Variants in ASF1A observed in about 807,000 individuals in gnomAD.
The protein encoded by ASF1A is histone chaperone ASF1A.
ASF1A carries 5 observed loss-of-function variants against 22.0 expected under a neutral mutation model. The ratio of observed to expected loss-of-function variants is 0.23; its 90% CI spans 0.12 to 0.48. The LOEUF (loss-of-function observed/expected upper bound fraction) is 0.48, where lower values mean the gene tolerates loss of function less well. Ranked by LOEUF, ASF1A falls within the 20% of genes least tolerant of loss-of-function variation. ASF1A has a pLI of 0.99. For synonymous variants in ASF1A, 97 were observed against 86.7 expected (o/e 1.12, Z -0.66); for missense variants, 137 against 240.6 (o/e 0.57, Z 2.85).
Position 118,907,690 on chromosome 6 carries a change from A to G in ASF1A, c.*76A>G. The G allele has an allele frequency of 8.5e-7, 1 of 1,174,792 alleles. No individual in the cohort carries two copies. The highest frequency in any genetic ancestry group is 2.0e-5 in the Admixed American group (1 of 50,744). 72.8% of individuals were successfully genotyped at this position (1,174,792 alleles called of 1,614,324 possible). A position where few individuals can be genotyped will look rare whatever the true frequency, so the allele number is the denominator to read the frequency against. ...TATTTCCCTGAAATTCCGTAAGTACATAGTCAAAACACAATGTGAAGAATT... is the reference window on the plus strand; with the variant it reads ...TATTTCCCTGAAATTCCGTAAGTACGTAGTCAAAACACAATGTGAAGAATT... On this transcript the variant is annotated 3_prime_UTR_variant, in exon 4 of 4. Coordinates refer to ENST00000229595, the MANE Select transcript of ASF1A (RefSeq NM_014034.3).
chr6:118,902,759 G>A (rs1026196082), intron 2 of ASF1A, among the ~76,000 whole-genome samples: 2 of 152,262 alleles, frequency 1.3e-5, no homozygotes, highest in African/African-American at 4.8e-5. Context: ...GAGGTACAAT[G>A]TATATTCAGC....
At chr6:118,894,646 A>T in intron 1 of ASF1A, 124 bp downstream of exon 1, 2 of 832,824 alleles carry the variant, frequency 2.4e-6, no homozygotes, top group Non-Finnish European at 3.7e-6. Context: ...TGCTCTGCGG[A>T]GGGAAACTTG....
At chr6:118,905,597 TG>T (rs1448686819) in intron 2 of ASF1A, 54 bp from the exon 3 acceptor site, 1 of 1,433,634 alleles carries the variant, frequency 7.0e-7, no homozygotes. Context: ...CAGTCTTGCC[TG>T]CCACTAACAG....
At chr6:118,904,612 A>C (rs1425109527) in intron 2 of ASF1A, among the ~76,000 whole-genome samples, 2 of 152,162 alleles carry the variant, frequency 1.3e-5, no homozygotes, top group African/African-American at 4.8e-5. Flanking sequence ...GTCTAGTCTA[A>C]CTCAGTTTAC....
At position 118,900,772 on chromosome 6, in the gene ASF1A, A is replaced by C. The variant is rs368931626; in HGVS notation, c.116A>C (p.Glu39Ala). The change falls in exon 2 of 4, where the codon GAA (glutamate) becomes GCA (alanine). Residue 39 changes from glutamate to alanine, a missense_variant. Glu to Ala is a moderately radical substitution (Grantham distance 107). Coordinates refer to ENST00000229595, the MANE Select transcript of ASF1A (RefSeq NM_014034.3). ...ECIEDLSEDL[E>A]WKIIYVGSAE... ...TTTGGTTTTTTAACCCTAGACTTGG[A>C]ATGGAAAATTATCTATGTGGGCTCT... 6.2e-7 allele frequency: 1 copy of C among 1,610,292 alleles called. No individual in the cohort carries two copies. The highest frequency in any genetic ancestry group is 8.5e-7 in the Non-Finnish European group (1 of 1,176,590).
intron 1 of ASF1A, among the ~76,000 whole-genome samples, chr6:118,900,177 G>A (rs760054575): frequency 6.6e-6 from 1 of 152,134 alleles, no homozygotes; most frequent in East Asian, 1.9e-4. Flanking sequence ...GGGGGGTGCC[G>A]TAAGGGAAAA....
Position 118,905,960 on chromosome 6 carries a change from G to A in ASF1A, c.402+132G>A, listed in dbSNP as rs541038211. 8.3e-6 allele frequency: 5 copies of A among 604,966 alleles called. No homozygotes were observed. The South Asian group carries it at 1.3e-4, about 16-fold the overall frequency. The allele number at this position is 604,966 out of a possible 1,614,324, so 37.5% of individuals were successfully genotyped here. A position where few individuals can be genotyped will look rare whatever the true frequency, so the allele number is the denominator to read the frequency against. On this transcript the variant is annotated intron_variant, in intron 3 of 3. Coordinates refer to ENST00000229595, the MANE Select transcript of ASF1A (RefSeq NM_014034.3). ...AATATGAGGTCCTTATGCCAACTGG[G>A]CAAACTAATTATTGTTCCATTACCA...
rs1226606429 is a variant in ASF1A, at chr6:118,894,323, C to CG, written c.-86dup. ...GCACGACGTCTGGCCGGCGCTGGAG[C>CG]GGGGGTCTGCGCTCTCCCGAGCGGC... On this transcript the variant is annotated 5_prime_UTR_variant, in exon 1 of 4. Transcript: ENST00000229595. 3.3e-6 allele frequency: 5 copies of CG among 1,514,702 alleles called. No individual in the cohort carries two copies. Among genetic ancestry groups the CG allele is most frequent in the East Asian group, 2.5e-5 (1 of 40,592 alleles). The allele number at this position is 1,514,702 out of a possible 1,614,324, so 93.8% of individuals were successfully genotyped here.
intron 3 of ASF1A, 71 bp from the exon 4 acceptor site, chr6:118,907,331 A>G: frequency 1.8e-6 from 2 of 1,099,770 alleles, no homozygotes; most frequent in Admixed American, 4.3e-5. Context: ...CCATTTTATT[A>G]AGCTTCTATT....
chr6:118,901,090 T>G (rs1779771703), intron 2 of ASF1A: 3 of 479,070 alleles, frequency 6.3e-6, no homozygotes, highest in African/African-American at 5.8e-5. Flanking sequence ...GAGATGTTAA[T>G]GTGACGTTTA....
In ASF1A at chr6:118,905,714, A is replaced by G. The variant is rs763071344; in HGVS notation, c.288A>G (p.Leu96=). 4 of 1,613,758 alleles carry G rather than the reference A, an allele frequency of 2.5e-6. No individual in the cohort carries two copies. Among genetic ancestry groups the G allele is most frequent in the Non-Finnish European group, 3.4e-6 (4 of 1,179,722 alleles). The part of the protein sequence containing the change: ...DADAVGVTVV[L]ITCTYRGQEF... ...ATGCAGTAGGCGTAACTGTTGTGCT[A>G]ATTACTTGTACCTATCGAGGACAAG... The change falls in exon 3 of 4, where the codon CTA becomes CTG. Residue 96 remains leucine, a synonymous_variant. Transcript: ENST00000229595.
chr6:118,903,266 T>C (rs916788780), intron 2 of ASF1A, among the ~76,000 whole-genome samples: 2 of 152,182 alleles, frequency 1.3e-5, no homozygotes, highest in African/African-American at 4.8e-5. Context: ...ACACTGAAAG[T>C]AATCTAACCC....
intron 1 of ASF1A, among the ~76,000 whole-genome samples, chr6:118,895,320 T>TTTC (rs1406233553): frequency 6.6e-6 from 1 of 152,110 alleles, no homozygotes; most frequent in African/African-American, 2.4e-5. Context: ...CGTGGACTCC[T>TTTC]TTCCCCTAAT....
chr6:118,905,796 GA>G lies in ASF1A; in HGVS notation c.374del (p.Asn125IlefsTer4). The G allele has an allele frequency of 6.2e-7, 1 of 1,608,470 alleles. No homozygotes were observed. ...TGAATATACTGAGACAGAATTAAGG[GA>G]AAATCCACCAGTAAAACCAGACTTT... ...NNEYTETELRENPPVKPDFSK... is the reference protein window; with the variant it reads ...NNEYTETELRXNPPVKPDFSK... On this transcript the variant is annotated frameshift_variant, in exon 3 of 4. Coordinates refer to ENST00000229595, the MANE Select transcript of ASF1A (RefSeq NM_014034.3). LOFTEE classifies it high-confidence loss of function.
At chr6:118,897,380 G>A (rs1387140020) in intron 1 of ASF1A, among the ~76,000 whole-genome samples, 3 of 151,984 alleles carry the variant, frequency 2.0e-5, no homozygotes, top group African/African-American at 4.8e-5. Context: ...ACCCTGGCTG[G>A]ATGTGCTTGA....
chr6:118,906,906 T>A (rs1363322133), intron 3 of ASF1A, among the ~76,000 whole-genome samples: 1 of 152,182 alleles, frequency 6.6e-6, no homozygotes, highest in African/African-American at 2.4e-5. Flanking sequence ...TTGATCCAAT[T>A]TGTTATCCCT....
In ASF1A at chr6:118,907,621, A is replaced by G; in HGVS notation, c.*7A>G. 1 of 1,607,264 alleles carries G rather than the reference A, an allele frequency of 6.2e-7. No individual in the cohort carries two copies. On this transcript the variant is annotated 3_prime_UTR_variant, in exon 4 of 4. Transcript: ENST00000229595. ...CCACATGGACTGCATGTGACCACCT[A>G]CCATCCCTTTAGTACAAATTAAGCT...
rs981854483 is a variant in ASF1A at position 118,902,420 on chromosome 6, T to C, written c.225+1539T>C. ...TATTCTCTTAACTTCTTGAAATTGT[T>C]ATATAAAAAAGCAGGACTTGCTCTG... is the stretch of plus-strand genomic sequence containing the variant. On this transcript the variant is annotated intron_variant, in intron 2 of 3. Transcript: ENST00000229595. 3.9e-5 allele frequency among the ~76,000 whole-genome samples: 6 copies of C among 152,250 alleles called. No individual in the cohort carries two copies. In the East Asian group the frequency reaches 7.7e-4, roughly 20 times the overall value.
intron 2 of ASF1A, among the ~76,000 whole-genome samples, chr6:118,901,635 C>G (rs949932815): frequency 1.3e-5 from 2 of 152,094 alleles, no homozygotes; most frequent in Admixed American, 1.3e-4. Context: ...TGTTAAATTG[C>G]TATATGGAAC....
Sources: allele counts gnomAD v4.1 joint callset (sites outside exome capture counted in the v4.1 genomes callset), GRCh38; gene constraint gnomAD v4.1.1; transcripts MANE v1.5; gene names NCBI Gene and HGNC (gene_info 2026-07-23, HGNC 2026-07-21).